ASB9: variants seen among roughly 807,000 people sequenced by gnomAD.
The protein encoded by ASB9 is ankyrin repeat and SOCS box containing 9.
A neutral mutation model predicts 16.6 loss-of-function variants in ASB9; 5 were observed. The observed-to-expected ratio is 0.30, with a 90% CI of 0.16 to 0.63. The LOEUF (loss-of-function observed/expected upper bound fraction) is 0.63, where lower values mean the gene tolerates loss of function less well. Among genes scored for constraint, ASB9 ranks in the 30% least tolerant of loss-of-function variants. The probability of loss-of-function intolerance (pLI) is 0.82; values close to 1 mark genes in which losing one functional copy is unlikely to be tolerated. For synonymous variants in ASB9, 100 were observed against 86.4 expected (o/e 1.16, Z -0.87); for missense variants, 216 against 229.4 (o/e 0.94, Z 0.38).
At chrX:15,244,811 G>A (rs1051664692) in intron 6 of ASB9, among the ~76,000 whole-genome samples, 181 bp from the exon 7 acceptor site, 3 of 110,280 alleles carry the variant, frequency 2.7e-5, no homozygotes, top group Non-Finnish European at 3.8e-5. Flanking sequence ...TCTCTTTTCC[G>A]GTAGCTAATT....
chrX:15,246,933 T>G (rs1489340454), intron 6 of ASB9, among the ~76,000 whole-genome samples: 1 of 111,861 alleles, frequency 8.9e-6, no homozygotes, highest in Non-Finnish European at 1.9e-5. Flanking sequence ...TTAAAATCTT[T>G]TCCCTTTTCT....
Position 15,263,478 on chromosome X carries a change from G to C in ASB9, c.95-4533C>G, listed in dbSNP as rs140000568. On this transcript the variant is annotated intron_variant, in intron 1 of 6. Coordinates refer to ENST00000380488, the MANE Select transcript of ASB9 (RefSeq NM_001031739.3). ...GAAAGGCCCACTGAGGCAACTCTTG[G>C]GCAAGTCAGGCCTGTCCACTGCAGT... 1.3e-4 allele frequency among the ~76,000 whole-genome samples: 14 copies of C among 111,077 alleles called. No individual in the cohort carries two copies. In the East Asian group the frequency reaches 2.3e-3, roughly 18 times the overall value.
At position 15,248,998 on chromosome X, in the gene ASB9, C is replaced by G. The variant is rs1023746592; in HGVS notation, c.569-63G>C. The G allele has an allele frequency of 5.4e-5, 56 of 1,029,058 alleles. No individual in the cohort carries two copies. The Admixed American group carries it at 2.5e-3, about 45-fold the overall frequency. 84.8% of individuals were successfully genotyped at this position (1,029,058 alleles called of 1,213,427 possible). Reference sequence around the variant, plus strand: ...GCAGAATCCAACCATCGGGGCTTTTCAAAGCCCCGAGCCCCAAAATTTCCT... The same window carrying G: ...GCAGAATCCAACCATCGGGGCTTTTGAAAGCCCCGAGCCCCAAAATTTCCT... On this transcript the variant is annotated intron_variant, in intron 5 of 6. Transcript: ENST00000380488.
intron 1 of ASB9, among the ~76,000 whole-genome samples, chrX:15,269,293 T>C: frequency 8.9e-6 from 1 of 111,901 alleles, no homozygotes; most frequent in Non-Finnish European, 1.9e-5. Flanking sequence ...ATGAGAACAA[T>C]ACCTGTAAGA....
chrX:15,245,587 C>G (rs1210497976), intron 6 of ASB9, among the ~76,000 whole-genome samples: 2 of 111,652 alleles, frequency 1.8e-5, no homozygotes, highest in Non-Finnish European at 3.8e-5. Context: ...AGCCCTCAAT[C>G]CAGGTAGCAC....
At chrX:15,261,156 C>T (rs1433032826) in intron 1 of ASB9, among the ~76,000 whole-genome samples, 1 of 111,681 alleles carries the variant, frequency 9.0e-6, no homozygotes, top group Non-Finnish European at 1.9e-5. Context: ...AGCTAAAATT[C>T]GGACTGCAGA....
At chrX:15,260,013 C>CAA (rs1925849350) in intron 1 of ASB9, among the ~76,000 whole-genome samples, 2 of 111,947 alleles carry the variant, frequency 1.8e-5, no homozygotes, top group Non-Finnish European at 1.9e-5. Context: ...CCTGTACTTA[C>CAA]CATGGCTCAA....
chrX:15,246,526 A>G (rs1296618045), intron 6 of ASB9, among the ~76,000 whole-genome samples: 1 of 111,163 alleles, frequency 9.0e-6, no homozygotes, highest in African/African-American at 3.3e-5. Flanking sequence ...CCCAGGCTGG[A>G]GTGCAGTGGT....
intron 2 of ASB9, among the ~76,000 whole-genome samples, chrX:15,256,301 G>A (rs1355334768): frequency 9.6e-6 from 1 of 104,241 alleles, no homozygotes; most frequent in Non-Finnish European, 1.9e-5. Context: ...GGTTCGCAAG[G>A]CCTAAGATTC....
chrX:15,267,767 A>G (rs774740371), intron 1 of ASB9, among the ~76,000 whole-genome samples: 86 of 104,140 alleles, frequency 8.3e-4, no homozygotes, highest in African/African-American at 2.0e-3. Context: ...AAAAAAAAAA[A>G]AAAAGAAATT....
intron 3 of ASB9, 52 bp from the exon 4 acceptor site, chrX:15,252,456 A>G (rs1434745957): frequency 9.1e-7 from 1 of 1,099,083 alleles, no homozygotes; most frequent in Non-Finnish European, 1.2e-6. Flanking sequence ...TTTTGGGTTC[A>G]AATGTGGGGT....
At chrX:15,259,138 G>T (rs955183190) in intron 1 of ASB9, 193 bp from the exon 2 acceptor site, 2 of 340,273 alleles carry the variant, frequency 5.9e-6, no homozygotes, top group Middle Eastern at 1.7e-3. Context: ...TGTTTGAAAT[G>T]TCTGGATAGC....
chrX:15,262,200 T>C (rs1219254208), intron 1 of ASB9, among the ~76,000 whole-genome samples: 1 of 110,310 alleles, frequency 9.1e-6, no homozygotes, highest in Non-Finnish European at 1.9e-5. Context: ...CATCAGCTGA[T>C]AAAAATTTGT....
At chrX:15,265,879 C>A (rs998168618) in intron 1 of ASB9, among the ~76,000 whole-genome samples, 1 of 108,011 alleles carries the variant, frequency 9.3e-6, no homozygotes, top group Non-Finnish European at 1.9e-5. Context: ...TCTCGGCTCA[C>A]CACAACCTCT....
Position 15,250,527 on chromosome X carries a change from C to T in ASB9, c.471G>A (p.Gly157=), listed in dbSNP as rs1483319990. The T allele has an allele frequency of 2.5e-6, 3 of 1,207,132 alleles. No individual in the cohort carries two copies. The highest frequency in any genetic ancestry group is 3.4e-6 in the Non-Finnish European group (3 of 893,213). The stretch of plus-strand genomic sequence containing the variant: ...GGCTGATCTTATGGTCAATGTTGCC[C>T]CCATAAGCTATAAGAGAGTTGACAC... The part of the protein sequence containing the change: ...VECVNSLIAY[G]GNIDHKISHL... Residue 157 remains glycine, a synonymous_variant, in exon 5 of 7, where the codon GGG becomes GGA. Transcript: ENST00000380488.
intron 1 of ASB9, among the ~76,000 whole-genome samples, chrX:15,264,602 C>A (rs1253642534): frequency 9.0e-6 from 1 of 111,309 alleles, no homozygotes; most frequent in Non-Finnish European, 1.9e-5. Flanking sequence ...TGATCCACAC[C>A]TGGGCCCTAT....
At chrX:15,265,086 G>A (rs1328577905) in intron 1 of ASB9, among the ~76,000 whole-genome samples, 5 of 112,091 alleles carry the variant, frequency 4.5e-5, no homozygotes, top group African/African-American at 1.6e-4. Flanking sequence ...GCCTGTCCCA[G>A]GGTTCCATCC....
chrX:15,244,731 G>T (rs927258206), intron 6 of ASB9, 101 bp from the exon 7 acceptor site: 2 of 911,675 alleles, frequency 2.2e-6, no homozygotes, highest in Non-Finnish European at 2.9e-6. Context: ...TTGTTATAAG[G>T]AAATAATATT....
intron 3 of ASB9, among the ~76,000 whole-genome samples, chrX:15,254,513 T>C (rs961672083): frequency 2.7e-5 from 3 of 112,369 alleles, no homozygotes; most frequent in Non-Finnish European, 5.6e-5. Context: ...TTATTAGTAG[T>C]GTATGATAAA....
Sources: gnomAD v4.1 joint callset for allele counts (sites outside exome capture counted in the v4.1 genomes callset) on GRCh38, gnomAD v4.1.1 for gene constraint, MANE v1.5 for transcripts, NCBI Gene and HGNC (gene_info 2026-07-23, HGNC 2026-07-21) for gene names.